The following KCNH8 variants were observed in gnomAD, a reference collection of about 807,000 sequenced individuals.
KCNH8 encodes the protein voltage-gated delayed rectifier potassium channel KCNH8.
In KCNH8, 70 loss-of-function variants were observed where a neutral mutation model predicts 103.6. The ratio of observed to expected loss-of-function variants is 0.68; its 90% CI spans 0.56 to 0.82. The LOEUF (loss-of-function observed/expected upper bound fraction) is 0.82. Ranked by LOEUF, KCNH8 falls within the 40% of genes least tolerant of loss-of-function variation. The pLI, the probability that KCNH8 is intolerant of heterozygous loss-of-function variation, is 0.00. For synonymous variants in KCNH8, 498 were observed against 489.4 expected, an observed-to-expected ratio of 1.02 and a Z score of -0.23; for missense variants, 1,217 against 1,329.9, an observed-to-expected ratio of 0.92 and a Z score of 1.32.
In KCNH8 at chr3:19,513,069, CTCTCT is replaced by C; in HGVS notation, c.2180_2184del (p.Leu727ProfsTer18). The C allele has an allele frequency of 6.2e-7, 1 of 1,613,668 alleles. No homozygotes were observed. The highest frequency in any genetic ancestry group is 8.5e-7 in the Non-Finnish European group (1 of 1,179,846). On this transcript the variant is annotated frameshift_variant, in exon 13 of 16. Transcript: ENST00000328405. LOFTEE classifies it high-confidence loss of function. ...GGGGGAGGAAGAGGAGGCAGTCTCCCTCTCTCCCATCTGCACAAGGGGATCTTCTT... is the reference window on the plus strand; with the variant it reads ...GGGGGAGGAAGAGGAGGCAGTCTCCCCCCATCTGCACAAGGGGATCTTCTT...
intron 2 of KCNH8, among the ~76,000 whole-genome samples, chr3:19,270,947 C>A (rs1217578329): frequency 6.6e-6 from 1 of 152,016 alleles, no homozygotes; most frequent in Non-Finnish European, 1.5e-5. Context: ...TTTGTCTAAC[C>A]TTTTAGACAC....
In KCNH8 at chr3:19,372,541, A is replaced by G. The variant is rs185732023; in HGVS notation, c.812-17940A>G. Among the ~76,000 whole-genome samples the G allele has an allele frequency of 1.1e-4, 17 of 152,316 alleles. No homozygotes were observed. In the East Asian group the frequency reaches 1.3e-3, roughly 12 times the overall value. ...AGACAATGGGGTTTTCTAGAATACA[A>G]TCATGTCGTCTGCAAACAAGGACAA... On this transcript the variant is annotated intron_variant, in intron 5 of 15. Coordinates refer to ENST00000328405, the MANE Select transcript of KCNH8 (RefSeq NM_144633.3).
At chr3:19,352,699 C>G (rs1480379501) in intron 5 of KCNH8, among the ~76,000 whole-genome samples, 1 of 152,018 alleles carries the variant, frequency 6.6e-6, no homozygotes, top group Admixed American at 6.6e-5. Flanking sequence ...AACAAAGACA[C>G]AACATACCAG....
intron 1 of KCNH8, among the ~76,000 whole-genome samples, chr3:19,197,086 T>C (rs572083137): frequency 7.2e-5 from 11 of 152,222 alleles, no homozygotes; most frequent in Middle Eastern, 6.8e-3. Flanking sequence ...CTCCAATCTG[T>C]TGCCTTTGAT....
chr3:19,423,261 C>G lies in KCNH8; in HGVS notation c.1178-14903C>G, dbSNP rs1373485960. On this transcript the variant is annotated intron_variant, in intron 7 of 15. Coordinates refer to ENST00000328405, the MANE Select transcript of KCNH8 (RefSeq NM_144633.3). ...CGGTATCTTTTGCCTTATTATTTCT[C>G]TTAAAATTATTTCTTTTTATTTATA... is the stretch of plus-strand genomic sequence containing the variant. Among the ~76,000 whole-genome samples, 3 of 152,102 alleles carry G rather than the reference C, an allele frequency of 2.0e-5. No homozygotes were observed. In the East Asian group the frequency reaches 5.8e-4, roughly 29 times the overall value.
intron 3 of KCNH8, 79 bp from the exon 4 acceptor site, chr3:19,342,508 G>A: frequency 3.5e-6 from 5 of 1,436,226 alleles, no homozygotes; most frequent in Non-Finnish European, 4.7e-6. Flanking sequence ...ATATGCTCTT[G>A]AAAGGGAACT....
Position 19,456,788 on chromosome 3 carries a change from G to T in KCNH8, c.1846G>T (p.Ala616Ser). The change falls in exon 11 of 16, where the codon GCA becomes TCA. Residue 616 changes from alanine (A) to serine (S), a missense_variant. Physicochemically the swap from Ala to Ser is moderately conservative, Grantham distance 99 (BLOSUM62 1). This residue lies in a region of KCNH8 where 415 missense variants were observed against 577.4 expected (regional missense o/e 0.72). Transcript: ENST00000328405. Reference sequence around the variant, plus strand: ...TCTAGGGAAAGGGGATTTAATTGGAGCAAATCTATCAATTAAGGACCAAGT... The same window carrying T: ...TCTAGGGAAAGGGGATTTAATTGGATCAAATCTATCAATTAAGGACCAAGT... The part of the protein sequence containing the change: ...AILGKGDLIG[A>S]NLSIKDQVIK... 3 of 1,608,796 alleles carry T rather than the reference G, an allele frequency of 1.9e-6. No individual in the cohort carries two copies. Among genetic ancestry groups the T allele is most frequent in the Non-Finnish European group, 2.6e-6 (3 of 1,176,268 alleles).
At chr3:19,273,365 T>G (rs749454039) in intron 2 of KCNH8, among the ~76,000 whole-genome samples, 1 of 152,200 alleles carries the variant, frequency 6.6e-6, no homozygotes, top group Non-Finnish European at 1.5e-5. Flanking sequence ...TGCTTAGAAG[T>G]AGCAATCATG....
At chr3:19,257,765 A>G (rs2064364802) in intron 2 of KCNH8, among the ~76,000 whole-genome samples, 1 of 152,130 alleles carries the variant, frequency 6.6e-6, no homozygotes, top group African/African-American at 2.4e-5. Flanking sequence ...TGTTAGGGTT[A>G]CCATTATAAA....
chr3:19,294,885 G>C (rs1454917390), intron 3 of KCNH8, among the ~76,000 whole-genome samples: 1 of 152,114 alleles, frequency 6.6e-6, no homozygotes, highest in Non-Finnish European at 1.5e-5. Context: ...TACTCTCGTG[G>C]ATTGCATTCG....
intron 8 of KCNH8, among the ~76,000 whole-genome samples, chr3:19,446,305 G>T (rs894412103): frequency 6.6e-6 from 1 of 151,950 alleles, no homozygotes; most frequent in Admixed American, 6.6e-5. Flanking sequence ...TCCTAGTAAA[G>T]ATCGTTCATC....
At chr3:19,296,679 T>C (rs1469197534) in intron 3 of KCNH8, among the ~76,000 whole-genome samples, 1 of 152,112 alleles carries the variant, frequency 6.6e-6, no homozygotes, top group African/African-American at 2.4e-5. Context: ...TACGATGGAC[T>C]TTGGGGACTT....
At chr3:19,422,400 G>T (rs1412506416) in intron 7 of KCNH8, among the ~76,000 whole-genome samples, 1 of 152,006 alleles carries the variant, frequency 6.6e-6, no homozygotes, top group African/African-American at 2.4e-5. Context: ...GGTGAAAAAA[G>T]AACTGTCATT....
intron 15 of KCNH8, among the ~76,000 whole-genome samples, chr3:19,528,348 T>C (rs1222553545): frequency 2.0e-5 from 3 of 151,948 alleles, no homozygotes. Flanking sequence ...GAATCAGTCA[T>C]TGGGGGAAAT....
At chr3:19,222,695 T>C (rs572551161) in intron 1 of KCNH8, among the ~76,000 whole-genome samples, 2 of 152,146 alleles carry the variant, frequency 1.3e-5, no homozygotes, top group African/African-American at 4.8e-5. Context: ...TTCAAAACTT[T>C]CCAGATCTAG....
rs551568293 is a variant in KCNH8 at position 19,527,956 on chromosome 3, T to A, written c.2620-5439T>A. Among the ~76,000 whole-genome samples the A allele has an allele frequency of 4.8e-4, 73 of 152,068 alleles. 1 individual carries two copies. In the South Asian group the frequency reaches 6.2e-3, roughly 13 times the overall value. Reference sequence around the variant, plus strand: ...TTTCATCACTTCTTTTTTTTAACAGTTGGGATTCTGGAAGAGATAGAGAAA... The same window carrying A: ...TTTCATCACTTCTTTTTTTTAACAGATGGGATTCTGGAAGAGATAGAGAAA... On this transcript the variant is annotated intron_variant, in intron 15 of 15. Coordinates refer to ENST00000328405, the MANE Select transcript of KCNH8 (RefSeq NM_144633.3).
At chr3:19,389,388 C>T (rs555770121) in intron 5 of KCNH8, among the ~76,000 whole-genome samples, 28 of 152,078 alleles carry the variant, frequency 1.8e-4, no homozygotes, top group East Asian at 5.8e-4. Context: ...TATTGTAAAA[C>T]GCTCGATAAT....
At chr3:19,260,967 C>CATATATATATATATATATAT (rs138181171) in intron 2 of KCNH8, among the ~76,000 whole-genome samples, 32 of 132,142 alleles carry the variant, frequency 2.4e-4, no homozygotes, top group African/African-American at 7.8e-4. Context: ...GAATAATATT[C>CATATATATATATATATATAT]ATATATATAT....
chr3:19,202,781 G>T (rs1415944260), intron 1 of KCNH8, among the ~76,000 whole-genome samples: 1 of 151,934 alleles, frequency 6.6e-6, no homozygotes, highest in East Asian at 1.9e-4. Flanking sequence ...CAATAACAGA[G>T]TAAAAAAAGA....
Sources: gnomAD v4.1 joint callset for allele counts (sites outside exome capture counted in the v4.1 genomes callset) on GRCh38, gnomAD v4.1.1 for gene constraint, gnomAD v4.1.1 regional missense constraint, MANE v1.5 for transcripts, NCBI Gene and HGNC (gene_info 2026-07-23, HGNC 2026-07-21) for gene names.